The following TBCK variants were observed in gnomAD, a reference collection of about 807,000 sequenced individuals.
TBCK encodes TBC domain-containing protein kinase-like protein.
TBCK carries 99 observed loss-of-function variants against 113.4 expected under a neutral mutation model. That is an observed-to-expected ratio of 0.87 (90% confidence interval 0.74 to 1.03). TBCK has a LOEUF of 1.03. TBCK is among the 50% of genes least tolerant of loss of function. The probability of loss-of-function intolerance (pLI) is 0.00; values close to 1 mark genes in which losing one functional copy is unlikely to be tolerated. For missense variants in TBCK, 1,045 were observed against 1,061.3 expected (o/e 0.98, Z 0.21); for synonymous variants, 369 against 370.8 (o/e 1.00, Z 0.05).
At chr4:106,103,762 C>A (rs1331364550) in intron 24 of TBCK, among the ~76,000 whole-genome samples, 2 of 152,156 alleles carry the variant, frequency 1.3e-5, no homozygotes, top group African/African-American at 2.4e-5. Context: ...TGGAGAAAAA[C>A]AGAAGGGGGC....
intron 3 of TBCK, among the ~76,000 whole-genome samples, chr4:106,281,543 A>T (rs1764596003): frequency 1.3e-5 from 2 of 152,044 alleles, no homozygotes; most frequent in African/African-American, 4.8e-5. Context: ...GTATAATGCT[A>T]TTAATAGCTG....
intron 1 of TBCK, among the ~76,000 whole-genome samples, chr4:106,311,200 TACACACACACACACACACACACACAC>T (rs36011277): frequency 2.9e-5 from 4 of 138,196 alleles, no homozygotes; most frequent in Non-Finnish European, 6.3e-5. Flanking sequence ...CAGAAACTCC[TACACACACACACACACACACACACAC>T]ACACACACAC....
chr4:106,302,010 A>C (rs1161187343), intron 2 of TBCK, among the ~76,000 whole-genome samples: 1 of 152,236 alleles, frequency 6.6e-6, no homozygotes, highest in Non-Finnish European at 1.5e-5. Flanking sequence ...GAACAAACAG[A>C]CTTTTACATA....
intron 3 of TBCK, among the ~76,000 whole-genome samples, chr4:106,286,957 T>C (rs1408286344): frequency 1.3e-5 from 2 of 152,138 alleles, no homozygotes; most frequent in Non-Finnish European, 2.9e-5. Context: ...AATTTATCTT[T>C]TGAATCACCA....
intron 23 of TBCK, among the ~76,000 whole-genome samples, chr4:106,147,871 C>G (rs1033126340): frequency 1.3e-5 from 2 of 152,212 alleles, no homozygotes; most frequent in Non-Finnish European, 2.9e-5. Context: ...TCATATTTCT[C>G]TTCTTTCAAA....
chr4:106,062,968 C>T (rs1042440192), intron 25 of TBCK, among the ~76,000 whole-genome samples: 3 of 151,988 alleles, frequency 2.0e-5, no homozygotes, highest in African/African-American at 7.2e-5. Context: ...TTTTACTACA[C>T]AAAACTTATG....
At chr4:106,166,790 TAATAC>T (rs1750417443) in intron 23 of TBCK, among the ~76,000 whole-genome samples, 1 of 151,610 alleles carries the variant, frequency 6.6e-6, no homozygotes. Context: ...TGTAATAATA[TAATAC>T]ATTATCACAA....
intron 3 of TBCK, among the ~76,000 whole-genome samples, chr4:106,291,957 T>C (rs1483869600): frequency 6.6e-6 from 1 of 152,230 alleles, no homozygotes; most frequent in Non-Finnish European, 1.5e-5. Context: ...TTTTGTGCAA[T>C]ATATTTTTCA....
intron 1 of TBCK, 40 bp from the exon 2 acceptor site, chr4:106,309,029 GC>G (rs1767867263): frequency 1.5e-6 from 2 of 1,369,974 alleles, no homozygotes; most frequent in African/African-American, 2.9e-5. Flanking sequence ...CAAACATTAA[GC>G]CAGACAGACC....
At chr4:106,247,018 C>G (rs912873378) in intron 10 of TBCK, 121 bp downstream of exon 10, 3 of 1,015,932 alleles carry the variant, frequency 3.0e-6, no homozygotes, top group Admixed American at 5.9e-5. Flanking sequence ...CCAGAATTGT[C>G]TCTTAATTCC....
chr4:106,120,775 C>T (rs1304512772), intron 23 of TBCK, among the ~76,000 whole-genome samples: 1 of 152,114 alleles, frequency 6.6e-6, no homozygotes, highest in Non-Finnish European at 1.5e-5. Context: ...AGAAGGAAAA[C>T]TAACAAACAG....
In TBCK at chr4:106,295,092, A is replaced by G; in HGVS notation, c.266+2T>C. On this transcript the variant is annotated splice_donor_variant, in intron 3 of 25. Coordinates refer to ENST00000394708, the MANE Select transcript of TBCK (RefSeq NM_001163435.3). LOFTEE classifies it high-confidence loss of function. ...TTTAATTGTTCTGATACTATACAGT[A>G]CCTCACAGGTTTCCTTTCTCGAAGC... The G allele has an allele frequency of 6.2e-7, 1 of 1,611,504 alleles. No homozygotes were observed. Among genetic ancestry groups the G allele is most frequent in the African/African-American group, 1.3e-5 (1 of 74,976 alleles).
At chr4:106,086,697 A>G (rs376626178) in intron 25 of TBCK, among the ~76,000 whole-genome samples, 1 of 152,240 alleles carries the variant, frequency 6.6e-6, no homozygotes, top group Admixed American at 6.5e-5. Flanking sequence ...AATACTGGCA[A>G]ACCCAATCCA....
intron 1 of TBCK, among the ~76,000 whole-genome samples, chr4:106,312,758 G>A (rs775036991): frequency 2.0e-5 from 3 of 152,048 alleles, no homozygotes; most frequent in Non-Finnish European, 4.4e-5. Flanking sequence ...TAACAAAAAT[G>A]GAACAAACAT....
chr4:106,230,138 T>C (rs577597355), intron 19 of TBCK, among the ~76,000 whole-genome samples: 1 of 152,070 alleles, frequency 6.6e-6, no homozygotes, highest in African/African-American at 2.4e-5. Context: ...ATGCCTGCAA[T>C]TGAACTGAAA....
intron 25 of TBCK, among the ~76,000 whole-genome samples, chr4:106,058,080 C>T (rs1219443874): frequency 6.6e-6 from 1 of 151,678 alleles, no homozygotes. Context: ...AATCAATTTG[C>T]CTATCAAATA....
At chr4:106,176,450 G>A (rs1751679730) in intron 22 of TBCK, among the ~76,000 whole-genome samples, 1 of 152,008 alleles carries the variant, frequency 6.6e-6, no homozygotes, top group African/African-American at 2.4e-5. Flanking sequence ...TTCTGTGCCT[G>A]GCTTATTTCA....
intron 25 of TBCK, among the ~76,000 whole-genome samples, chr4:106,062,270 A>G (rs1049782024): frequency 4.6e-5 from 7 of 151,846 alleles, no homozygotes; most frequent in African/African-American, 1.7e-4. Flanking sequence ...GCTTGAAAAC[A>G]ATTCTTGTTC....
intron 22 of TBCK, among the ~76,000 whole-genome samples, chr4:106,184,614 C>A (rs959539666): frequency 1.3e-5 from 2 of 151,852 alleles, no homozygotes; most frequent in African/African-American, 4.8e-5. Flanking sequence ...TATAGATACA[C>A]CCACTCCTAG....
Sources: allele counts gnomAD v4.1 joint callset (sites outside exome capture counted in the v4.1 genomes callset), GRCh38; gene constraint gnomAD v4.1.1; transcripts MANE v1.5; gene names NCBI Gene and HGNC (gene_info 2026-07-23, HGNC 2026-07-21).